Variants in BAIAP2 observed in about 807,000 individuals in gnomAD.
BAIAP2 encodes BAR/IMD domain-containing adapter protein 2.
A neutral mutation model predicts 63.0 loss-of-function variants in BAIAP2; 18 were observed. The ratio of observed to expected loss-of-function variants is 0.29; its 90% confidence interval spans 0.20 to 0.42. The LOEUF (loss-of-function observed/expected upper bound fraction) is 0.42, where lower values mean the gene tolerates loss of function less well. Among genes scored for constraint, BAIAP2 ranks in the 10% least tolerant of loss-of-function variants. BAIAP2 has a pLI of 1.00. For synonymous variants in BAIAP2, 386 were observed against 307.6 expected (o/e 1.25, Z -2.67); for missense variants, 610 against 734.3 (o/e 0.83, Z 1.96).
Position 81,103,902 on chromosome 17 carries a change from T to G in BAIAP2, c.865-5T>G. The G allele has an allele frequency of 6.2e-7, 1 of 1,612,824 alleles. No individual in the cohort carries two copies. Among genetic ancestry groups the G allele is most frequent in the Non-Finnish European group, 8.5e-7 (1 of 1,179,948 alleles). On this transcript the variant is annotated splice_region_variant and splice_polypyrimidine_tract_variant and intron_variant, in intron 8 of 13. Coordinates refer to ENST00000428708, the MANE Select transcript of BAIAP2 (RefSeq NM_001144888.2). ...CAACAGCCTGCTCTGCCTGCTTCCC[T>G]GCAGCGGATGTCTGCCCAGGAGAGC...
At chr17:81,108,947 G>A (rs557334795) in intron 13 of BAIAP2, 27 of 1,546,356 alleles carry the variant, frequency 1.7e-5, no homozygotes, top group Admixed American at 7.8e-5. Flanking sequence ...CCAGGCAGCC[G>A]TCCTGTGCTT....
intron 13 of BAIAP2, chr17:81,110,379 C>A (rs753077595): frequency 4.4e-5 from 43 of 987,192 alleles, no homozygotes; most frequent in Admixed American, 1.2e-4. Flanking sequence ...AATGTAGACA[C>A]AAAACAGCAA....
At position 81,038,452 on chromosome 17, in the gene BAIAP2, T is replaced by A. The variant is rs556182692; in HGVS notation, c.54+3144T>A. ...GGCCCACAGCCTGTCCTAGAATATG[T>A]GAGGTTGAGAGAGCATCTGGGGAGG... is the stretch of plus-strand genomic sequence containing the variant. On this transcript the variant is annotated intron_variant, in intron 1 of 13. Coordinates refer to ENST00000428708, the MANE Select transcript of BAIAP2 (RefSeq NM_001144888.2). Among the ~76,000 whole-genome samples, 59 of 152,232 alleles carry A rather than the reference T, an allele frequency of 3.9e-4. 1 individual carries two copies. The highest frequency in any genetic ancestry group is 1.3e-3 in the African/African-American group (53 of 41,544).
chr17:81,115,052 A>G (rs140208849), intron 13 of BAIAP2, among the ~76,000 whole-genome samples: 15 of 152,326 alleles, frequency 9.8e-5, no homozygotes, highest in East Asian at 3.9e-4. Context: ...TCCAAAGAGA[A>G]AGGCTCAGGC....
chr17:81,069,744 C>A (rs150512523), intron 3 of BAIAP2, among the ~76,000 whole-genome samples: 1 of 152,202 alleles, frequency 6.6e-6, no homozygotes, highest in Non-Finnish European at 1.5e-5. Flanking sequence ...CTGGCCAGTA[C>A]GTTCCTAGGC....
At chr17:81,080,558 C>G (rs953187087) in intron 3 of BAIAP2, among the ~76,000 whole-genome samples, 1 of 151,158 alleles carries the variant, frequency 6.6e-6, no homozygotes, top group Non-Finnish European at 1.5e-5. Flanking sequence ...CCCTGAGAAG[C>G]TCCACATACT....
intron 10 of BAIAP2, chr17:81,105,330 C>T (rs1309816765): frequency 6.5e-6 from 1 of 154,500 alleles, no homozygotes; most frequent in African/African-American, 2.4e-5. Flanking sequence ...CGTGTACACA[C>T]TCAGCACGTC....
At position 81,100,467 on chromosome 17, in the gene BAIAP2, C is replaced by T. The variant is rs1027068330; in HGVS notation, c.642+387C>T. ...TCCCGGTGGGACACCTGGTGGGTGG[C>T]CTCTGTGTCCTCACTTGCTCTTCCT... On this transcript the variant is annotated intron_variant, in intron 7 of 13. Transcript: ENST00000428708. Among the ~76,000 whole-genome samples, 7 of 152,114 alleles carry T rather than the reference C, an allele frequency of 4.6e-5. No homozygotes were observed. In the East Asian group the frequency reaches 9.7e-4, roughly 21 times the overall value.
At chr17:81,092,061 G>A (rs961682429) in intron 6 of BAIAP2, among the ~76,000 whole-genome samples, 1 of 152,258 alleles carries the variant, frequency 6.6e-6, no homozygotes, top group African/African-American at 2.4e-5. Flanking sequence ...GTCTTTGGGG[G>A]TGTAGCATGC....
intron 1 of BAIAP2, among the ~76,000 whole-genome samples, chr17:81,041,387 G>A (rs868015584): frequency 2.0e-5 from 3 of 152,174 alleles, no homozygotes; most frequent in South Asian, 4.1e-4. Flanking sequence ...GGATGCACGC[G>A]GCACCATGAG....
intron 2 of BAIAP2, 116 bp downstream of exon 2, chr17:81,053,859 C>T: frequency 3.3e-6 from 2 of 597,646 alleles, no homozygotes; most frequent in Middle Eastern, 4.6e-4. Context: ...TGCCCGGGCC[C>T]CGTGGGGTGG....
chr17:81,061,490 A>T (rs2050544623), intron 3 of BAIAP2, among the ~76,000 whole-genome samples: 1 of 151,972 alleles, frequency 6.6e-6, no homozygotes, highest in Non-Finnish European at 1.5e-5. Context: ...TTTAGCATGC[A>T]TTTGCTGGAG....
At position 81,109,781 on chromosome 17, in the gene BAIAP2, C is replaced by T. The variant is rs146117614; in HGVS notation, c.1535+1272C>T. The T allele has an allele frequency of 7.1e-6, 7 of 985,448 alleles. No homozygotes were observed. The East Asian group carries it at 4.5e-4, about 64-fold the overall frequency. The allele number at this position is 985,448 out of a possible 1,614,324, so 61.0% of individuals were successfully genotyped here. The stretch of plus-strand genomic sequence containing the variant: ...CAGGCGCTGCCCAGCTGGCCGCACA[C>T]GGACATTCCAAAGACCTCCAGAGAC... On this transcript the variant is annotated intron_variant, in intron 13 of 13. Coordinates refer to ENST00000428708, the MANE Select transcript of BAIAP2 (RefSeq NM_001144888.2).
intron 7 of BAIAP2, 101 bp downstream of exon 7, chr17:81,100,181 G>C: frequency 1.4e-6 from 2 of 1,416,342 alleles, no homozygotes; most frequent in South Asian, 1.5e-5. Context: ...CACCGGGGCA[G>C]TGTCCAGGCT....
intron 12 of BAIAP2, chr17:81,108,245 T>A (rs1485268953): frequency 1.7e-6 from 1 of 593,740 alleles, no homozygotes; most frequent in Non-Finnish European, 3.0e-6. Flanking sequence ...AGGTGGCCGC[T>A]GGCTGGAGGA....
chr17:81,081,137 G>T (rs2054535907), intron 3 of BAIAP2, among the ~76,000 whole-genome samples: 1 of 152,318 alleles, frequency 6.6e-6, no homozygotes, highest in Non-Finnish European at 1.5e-5. Flanking sequence ...CCCGAGAGCT[G>T]GGAGGTGGAT....
At chr17:81,070,828 C>T (rs1167953263) in intron 3 of BAIAP2, among the ~76,000 whole-genome samples, 1 of 152,232 alleles carries the variant, frequency 6.6e-6, no homozygotes, top group African/African-American at 2.4e-5. Flanking sequence ...GAGGCCCGGG[C>T]AGGCCTGAGG....
intron 6 of BAIAP2, among the ~76,000 whole-genome samples, chr17:81,098,516 C>T (rs1383431374): frequency 6.6e-6 from 1 of 152,138 alleles, no homozygotes; most frequent in Non-Finnish European, 1.5e-5. Context: ...TTAGCGCATT[C>T]ATGGGGTTGT....
At chr17:81,084,078 C>T (rs142364660) in intron 3 of BAIAP2, among the ~76,000 whole-genome samples, 22 of 152,306 alleles carry the variant, frequency 1.4e-4, no homozygotes, top group African/African-American at 4.3e-4. Context: ...TACCCTGTGC[C>T]GCCACGATTT....
Sources: gnomAD v4.1 joint callset for allele counts (sites outside exome capture counted in the v4.1 genomes callset) on GRCh38, gnomAD v4.1.1 for gene constraint, MANE v1.5 for transcripts, NCBI Gene and HGNC (gene_info 2026-07-23, HGNC 2026-07-21) for gene names.